Variants in EBF1 observed in about 807,000 individuals in gnomAD.
EBF1 encodes the protein EBF transcription factor 1, also known as transcription factor COE1.
EBF1 carries 10 observed loss-of-function variants against 68.4 expected under a neutral mutation model. The observed-to-expected ratio is 0.15, with a 90% CI of 0.09 to 0.25. EBF1 has a LOEUF of 0.25. Ranked by LOEUF, EBF1 falls within the 10% of genes least tolerant of loss-of-function variation. EBF1 has a pLI of 1.00. For synonymous variants in EBF1, 298 were observed against 299.8 expected, an observed-to-expected ratio of 0.99 and a Z score of 0.06; for missense variants, 509 against 794.4, an observed-to-expected ratio of 0.64 and a Z score of 4.32.
chr5:158,955,304 C>T (rs1006080852), intron 6 of EBF1, among the ~76,000 whole-genome samples: 23 of 151,352 alleles, frequency 1.5e-4, no homozygotes, highest in African/African-American at 5.6e-4. Context: ...GAATGGGCAA[C>T]AAGAGCGAAA....
At chr5:158,741,516 A>C (rs1330977063) in intron 10 of EBF1, among the ~76,000 whole-genome samples, 1 of 151,666 alleles carries the variant, frequency 6.6e-6, no homozygotes, top group African/African-American at 2.4e-5. Context: ...TCCAAGCCAC[A>C]GTGAGCCATG....
At chr5:158,812,365 C>T (rs1055510309) in intron 8 of EBF1, among the ~76,000 whole-genome samples, 6 of 152,254 alleles carry the variant, frequency 3.9e-5, no homozygotes, top group East Asian at 1.9e-4. Flanking sequence ...CTGGTGGCTA[C>T]GTGGAGTCCC....
chr5:158,918,340 G>A (rs925933939), intron 6 of EBF1, among the ~76,000 whole-genome samples: 3 of 152,116 alleles, frequency 2.0e-5, no homozygotes, highest in Non-Finnish European at 4.4e-5. Flanking sequence ...GGGGAGGAGG[G>A]TTCTGTTAAA....
At chr5:159,074,897 T>C (rs145797019) in intron 5 of EBF1, among the ~76,000 whole-genome samples, 156 of 151,626 alleles carry the variant, frequency 1.0e-3, no homozygotes, top group African/African-American at 3.5e-3. Flanking sequence ...AAAACCAAAG[T>C]ATCATGATAT....
intron 6 of EBF1, among the ~76,000 whole-genome samples, chr5:158,898,290 C>T (rs896348692): frequency 6.6e-6 from 1 of 152,168 alleles, no homozygotes; most frequent in Non-Finnish European, 1.5e-5. Flanking sequence ...AACTGTTCCA[C>T]ATCATTACTA....
intron 6 of EBF1, among the ~76,000 whole-genome samples, chr5:158,867,476 C>G (rs1396506147): frequency 2.6e-5 from 4 of 152,060 alleles, no homozygotes; most frequent in African/African-American, 7.2e-5. Flanking sequence ...TGTTTCTTTG[C>G]CCCTGTCAGA....
intron 7 of EBF1, among the ~76,000 whole-genome samples, chr5:158,827,471 C>A (rs1786438833): frequency 6.6e-6 from 1 of 152,208 alleles, no homozygotes; most frequent in Admixed American, 6.5e-5. Context: ...TGAAACCTTA[C>A]TATTCTGAAA....
chr5:158,812,959 T>A (rs115679070), intron 8 of EBF1, among the ~76,000 whole-genome samples: 314 of 152,296 alleles, frequency 2.1e-3, no homozygotes, highest in African/African-American at 7.4e-3. Flanking sequence ...CTAAAGGACT[T>A]TCTTTTAAAA....
intron 11 of EBF1, among the ~76,000 whole-genome samples, chr5:158,727,528 C>T (rs1289703171): frequency 6.6e-6 from 1 of 152,240 alleles, no homozygotes; most frequent in South Asian, 2.1e-4. Flanking sequence ...TGCCAGGATC[C>T]AGAGAGAAAG....
intron 5 of EBF1, 106 bp from the exon 6 acceptor site, chr5:159,073,570 A>G (rs527480620): frequency 1.0e-4 from 126 of 1,206,930 alleles, no homozygotes; most frequent in Non-Finnish European, 1.5e-4. Flanking sequence ...TAGAATTACC[A>G]CAAAGCCATA....
intron 6 of EBF1, among the ~76,000 whole-genome samples, chr5:159,023,192 A>G (rs1051002247): frequency 3.0e-4 from 7 of 23,620 alleles, no homozygotes; most frequent in South Asian, 1.1e-3. Flanking sequence ...TTTCTCACTA[A>G]AAAAAAAAAA....
At chr5:158,758,476 G>T (rs903854851) in intron 10 of EBF1, among the ~76,000 whole-genome samples, 2 of 152,134 alleles carry the variant, frequency 1.3e-5, no homozygotes, top group Admixed American at 6.5e-5. Context: ...CAATCTGTTT[G>T]CCCACAAGGG....
At chr5:158,749,889 A>C (rs1454474026) in intron 10 of EBF1, among the ~76,000 whole-genome samples, 2 of 152,062 alleles carry the variant, frequency 1.3e-5, no homozygotes, top group Non-Finnish European at 2.9e-5. Context: ...GCTGAAGTAG[A>C]GGTACAGGTC....
intron 6 of EBF1, among the ~76,000 whole-genome samples, chr5:158,901,988 G>A (rs1476263017): frequency 1.3e-5 from 2 of 152,288 alleles, no homozygotes; most frequent in African/African-American, 4.8e-5. Context: ...CTACTCAGGA[G>A]GCTGAGGCAG....
intron 6 of EBF1, among the ~76,000 whole-genome samples, chr5:158,938,929 C>G (rs560075894): frequency 6.9e-4 from 105 of 152,204 alleles, no homozygotes; most frequent in Non-Finnish European, 7.8e-4. Context: ...AGCTTAGGGC[C>G]CCTCCAAGAG....
chr5:158,906,523 A>C (rs1490165681), intron 6 of EBF1, among the ~76,000 whole-genome samples: 1 of 152,188 alleles, frequency 6.6e-6, no homozygotes, highest in African/African-American at 2.4e-5. Context: ...AGGCAGGTGC[A>C]GGGGAGGAGG....
Position 158,758,783 on chromosome 5 carries a change from T to C in EBF1, c.1036+18630A>G, listed in dbSNP as rs542959198. On this transcript the variant is annotated intron_variant, in intron 10 of 15. Coordinates refer to ENST00000313708, the MANE Select transcript of EBF1 (RefSeq NM_024007.5). ...TTCCCAAACATGGCGTGGTTATTCTTTTAAAACTAAAATTCCTCTAGCTCC... is the reference window on the plus strand; with the variant it reads ...TTCCCAAACATGGCGTGGTTATTCTCTTAAAACTAAAATTCCTCTAGCTCC... 8.5e-5 allele frequency among the ~76,000 whole-genome samples: 13 copies of C among 152,294 alleles called. No homozygotes were observed. The East Asian group carries it at 2.5e-3, about 29-fold the overall frequency.
intron 6 of EBF1, among the ~76,000 whole-genome samples, chr5:159,005,815 C>G (rs1763443048): frequency 6.6e-6 from 1 of 152,144 alleles, no homozygotes. Context: ...AATGTTACAG[C>G]AATTTTAGAA....
chr5:158,794,591 G>A (rs934408460), intron 9 of EBF1, among the ~76,000 whole-genome samples: 1 of 152,100 alleles, frequency 6.6e-6, no homozygotes, highest in Non-Finnish European at 1.5e-5. Flanking sequence ...TTCTCAAAGG[G>A]TCAGTAATTT....
Sources: allele counts gnomAD v4.1 joint callset (sites outside exome capture counted in the v4.1 genomes callset), GRCh38; gene constraint gnomAD v4.1.1; transcripts MANE v1.5; gene names NCBI Gene and HGNC (gene_info 2026-07-23, HGNC 2026-07-21).